The following CREB3L1 variants were observed in gnomAD, a reference collection of about 807,000 sequenced individuals.
CREB3L1 encodes the protein cyclic AMP-responsive element-binding protein 3-like protein 1.
A neutral mutation model predicts 54.5 loss-of-function variants in CREB3L1; 33 were observed. The observed-to-expected ratio is 0.61, with a 90% CI of 0.46 to 0.81. CREB3L1 has a LOEUF of 0.81. Among genes scored for constraint, CREB3L1 ranks in the 30% least tolerant of loss-of-function variants. CREB3L1 has a pLI of 0.00. For synonymous variants in CREB3L1, 284 were observed against 286.4 expected (o/e 0.99, Z 0.08); for missense variants, 656 against 673.3 (o/e 0.97, Z 0.29).
In CREB3L1 at chr11:46,320,742, C is replaced by T; in HGVS notation, c.1556C>T (p.Ser519Phe). ...GGCCCCAACACCACCATCAAACTCT[C>T]CTAGGCCATGCCAAGACCCAGGACA... The part of the protein sequence containing the change: ...DLGPNTTIKL[S>F] Residue 519 changes from serine (S) to phenylalanine (F), a missense_variant, in exon 12 of 12, where the codon TCC becomes TTC. Physicochemically the swap from Ser to Phe is radical, Grantham distance 155. Transcript: ENST00000621158. 6.2e-7 allele frequency: 1 copy of T among 1,612,254 alleles called. No individual in the cohort carries two copies. Among genetic ancestry groups the T allele is most frequent in the Non-Finnish European group, 8.5e-7 (1 of 1,179,310 alleles).
chr11:46,285,319 G>A (rs931749910), intron 1 of CREB3L1, among the ~76,000 whole-genome samples: 7 of 152,166 alleles, frequency 4.6e-5, no homozygotes, highest in African/African-American at 7.2e-5. Context: ...GGGCAGGATG[G>A]AGGAGGAATA....
At chr11:46,286,459 T>C (rs1481639379) in intron 1 of CREB3L1, among the ~76,000 whole-genome samples, 1 of 152,218 alleles carries the variant, frequency 6.6e-6, no homozygotes, top group Non-Finnish European at 1.5e-5. Context: ...ATCTATCAGT[T>C]ATAAAGTATA....
Position 46,285,973 on chromosome 11 carries a change from C to T in CREB3L1, c.102+7760C>T, listed in dbSNP as rs78871858. Among the ~76,000 whole-genome samples the T allele has an allele frequency of 4.2e-4, 64 of 152,320 alleles. No homozygotes were observed. The East Asian group carries it at 0.011, about 26-fold the overall frequency. ...GTCTGAGCCTTTGCCCATGGGTTCC[C>T]CTCCACCTGGAATACCCTCACCCTT... On this transcript the variant is annotated intron_variant, in intron 1 of 11. Coordinates refer to ENST00000621158, the MANE Select transcript of CREB3L1 (RefSeq NM_052854.4).
chr11:46,277,944 G>C lies in CREB3L1; in HGVS notation c.-168G>C, dbSNP rs1369024748. The stretch of plus-strand genomic sequence containing the variant: ...GCCCTAAGGCCCCCGCGCGCCCCGC[G>C]CCCCCCACCCGGGGCCGCGCCGCCT... On this transcript the variant is annotated 5_prime_UTR_variant, in exon 1 of 12. Transcript: ENST00000621158. The C allele has an allele frequency of 2.5e-6, 1 of 400,826 alleles. No homozygotes were observed. The highest frequency in any genetic ancestry group is 4.4e-6 in the Non-Finnish European group (1 of 229,402). 24.8% of individuals were successfully genotyped at this position (400,826 alleles called of 1,614,324 possible). A position where few individuals can be genotyped will look rare whatever the true frequency, so the allele number is the denominator to read the frequency against.
intron 1 of CREB3L1, among the ~76,000 whole-genome samples, chr11:46,297,238 G>A (rs1254924089): frequency 1.3e-5 from 2 of 152,224 alleles, no homozygotes; most frequent in Non-Finnish European, 2.9e-5. Context: ...GTGGTTGGGG[G>A]GTGGTTATAC....
In CREB3L1 at chr11:46,288,378, G is replaced by A. The variant is rs563300185; in HGVS notation, c.102+10165G>A. Among the ~76,000 whole-genome samples the A allele has an allele frequency of 9.1e-4, 138 of 152,278 alleles. 1 individual carries two copies. The highest frequency in any genetic ancestry group is 4.8e-4 in the African/African-American group (20 of 41,554). ...ATTATAGGCGTGAGCCACCGCACAC[G>A]GCCCTCTTAGTTATTTTAAAATTAA... On this transcript the variant is annotated intron_variant, in intron 1 of 11. Coordinates refer to ENST00000621158, the MANE Select transcript of CREB3L1 (RefSeq NM_052854.4).
At chr11:46,299,897 G>A in intron 1 of CREB3L1, 38 bp from the exon 2 acceptor site, 3 of 1,530,126 alleles carry the variant, frequency 2.0e-6, no homozygotes, top group African/African-American at 1.4e-5. Context: ...CCCAAGCAAA[G>A]CTGAATTCCC....
chr11:46,285,818 C>G (rs1334418884), intron 1 of CREB3L1, among the ~76,000 whole-genome samples: 1 of 152,206 alleles, frequency 6.6e-6, no homozygotes. Context: ...ACTGGCTCCT[C>G]CTCCCCTTCC....
chr11:46,279,363 C>G (rs139123698), intron 1 of CREB3L1, among the ~76,000 whole-genome samples: 3 of 152,200 alleles, frequency 2.0e-5, no homozygotes, highest in South Asian at 2.1e-4. Context: ...GGACAGGAGC[C>G]GGAGTCAAGG....
Position 46,295,749 on chromosome 11 carries a change from C to G in CREB3L1, c.103-4186C>G, listed in dbSNP as rs1225951907. Among the ~76,000 whole-genome samples the G allele has an allele frequency of 6.6e-6, 1 of 152,222 alleles. No homozygotes were observed. Among genetic ancestry groups the G allele is most frequent in the Non-Finnish European group, 1.5e-5 (1 of 68,046 alleles). On this transcript the variant is annotated intron_variant, in intron 1 of 11. Transcript: ENST00000621158. This position sits in a 1 kb window ranked among gnomAD's most constrained non-coding sequence, Gnocchi z 4.6. ...CGGCCCCGGGTGTTCCCGGGTTAAC[C>G]CTTTGTGGGCCGCTCCAGGACGGCG...
intron 2 of CREB3L1, among the ~76,000 whole-genome samples, chr11:46,305,690 ATG>A (rs764468204): frequency 0.016 from 1,826 of 111,486 alleles, 17 homozygotes; most frequent in South Asian, 0.054. Context: ...GTGTGTATAT[ATG>A]TGTGTGTGTG....
rs1590334947 is a variant in CREB3L1, at chr11:46,278,523, A to C, written c.102+310A>C. The stretch of plus-strand genomic sequence containing the variant: ...CACGTCTTCTAGCCGTCCCCAACCC[A>C]CCCCAGGTTCCAGGACCAGACTGGG... On this transcript the variant is annotated intron_variant, in intron 1 of 11. Transcript: ENST00000621158. This position sits in a 1 kb window ranked among gnomAD's most constrained non-coding sequence, Gnocchi z 4.2. 6.6e-6 allele frequency among the ~76,000 whole-genome samples: 1 copy of C among 151,324 alleles called. No individual in the cohort carries two copies. The highest frequency in any genetic ancestry group is 2.1e-4 in the South Asian group (1 of 4,776).
chr11:46,306,196 C>T (rs546587981), intron 2 of CREB3L1, among the ~76,000 whole-genome samples: 6 of 152,258 alleles, frequency 3.9e-5, no homozygotes, highest in East Asian at 3.9e-4. Context: ...CGTGAGCTAC[C>T]GCACCCAGCC....
In CREB3L1 at chr11:46,307,937, C is replaced by T. The variant is rs766233746; in HGVS notation, c.453C>T (p.Ala151=). ...CCCCCTCGGCCATGGCTGCCGCGGC[C>T]GCCATGGCCACCACCCCGCTGCTGG... The part of the protein sequence containing the change: ...LAAPSAMAAA[A]AMATTPLLGL... The change falls in exon 3 of 12, where the codon GCC becomes GCT. Residue 151 remains alanine, a synonymous_variant. Coordinates refer to ENST00000621158, the MANE Select transcript of CREB3L1 (RefSeq NM_052854.4). 1.2e-5 allele frequency: 19 copies of T among 1,565,336 alleles called. No homozygotes were observed. The highest frequency in any genetic ancestry group is 3.5e-5 in the South Asian group (3 of 84,848).
Position 46,310,142 on chromosome 11 carries a change from C to T in CREB3L1, c.595+75C>T, listed in dbSNP as rs1004339777. The T allele has an allele frequency of 3.6e-6, 4 of 1,121,748 alleles. No homozygotes were observed. In the African/African-American group the frequency reaches 4.6e-5, roughly 13 times the overall value. The allele number at this position is 1,121,748 out of a possible 1,614,324, so 69.5% of individuals were successfully genotyped here. On this transcript the variant is annotated intron_variant, in intron 4 of 11. Transcript: ENST00000621158. ...TAGCATCCCCACTTCCTTGGTTCAG[C>T]CCATCCCTATCTCTTGACAACCTTC...
rs1375059234 is a variant in CREB3L1, at chr11:46,278,812, G to C, written c.102+599G>C. On this transcript the variant is annotated intron_variant, in intron 1 of 11. Coordinates refer to ENST00000621158, the MANE Select transcript of CREB3L1 (RefSeq NM_052854.4). The surrounding 1 kb of genome is among the most constrained non-coding windows in gnomAD (Gnocchi z 4.2). ...CATAGGGTGATGGCTCAGGAGGAGG[G>C]AGCCATTTCTCTCCATCTGCCTCTA... is the stretch of plus-strand genomic sequence containing the variant. Among the ~76,000 whole-genome samples the C allele has an allele frequency of 1.3e-5, 2 of 152,152 alleles. No individual in the cohort carries two copies. The highest frequency in any genetic ancestry group is 4.8e-5 in the African/African-American group (2 of 41,432).
rs913578061 is a variant in CREB3L1, at chr11:46,278,888, T to A, written c.102+675T>A. On this transcript the variant is annotated intron_variant, in intron 1 of 11. Coordinates refer to ENST00000621158, the MANE Select transcript of CREB3L1 (RefSeq NM_052854.4). This position sits in a 1 kb window ranked among gnomAD's most constrained non-coding sequence, Gnocchi z 4.2. ...TGGAGTCTGGCTGACTTTCTCCCTC[T>A]CCCTATGTCTTCTTGACTAGGTCCG... Among the ~76,000 whole-genome samples, 1 of 152,182 alleles carries A rather than the reference T, an allele frequency of 6.6e-6. No homozygotes were observed. The highest frequency in any genetic ancestry group is 1.5e-5 in the Non-Finnish European group (1 of 68,004).
chr11:46,305,725 T>TGC (rs1406042240), intron 2 of CREB3L1, among the ~76,000 whole-genome samples: 16 of 120,292 alleles, frequency 1.3e-4, no homozygotes, highest in South Asian at 2.6e-4. Flanking sequence ...TGTGTGTGTG[T>TGC]GTGTGTGTAT....
Position 46,307,970 on chromosome 11 carries a change from C to CCCGTTGT in CREB3L1, c.488_489insGTTGTCC (p.Arg166LeufsTer52), listed in dbSNP as rs1420727719. Reference sequence around the variant, plus strand: ...CCACCACCCCGCTGCTGGGCCTCAGCCCCTTGTCCAGGCTGCCCATCCCCC... The same window carrying CCCGTTGT: ...CCACCACCCCGCTGCTGGGCCTCAGCCCGTTGTCCCTTGTCCAGGCTGCCCATCCCCC... On this transcript the variant is annotated frameshift_variant, in exon 3 of 12. Transcript: ENST00000621158. LOFTEE classifies it high-confidence loss of function. The CCCGTTGT allele has an allele frequency of 1.9e-6, 3 of 1,559,374 alleles. No homozygotes were observed. The African/African-American group carries it at 4.1e-5, about 21-fold the overall frequency.
Sources: gnomAD v4.1 joint callset for allele counts (sites outside exome capture counted in the v4.1 genomes callset) on GRCh38, gnomAD v4.1.1 for gene constraint, Gnocchi (gnomAD v3.1) non-coding constraint, MANE v1.5 for transcripts, NCBI Gene and HGNC (gene_info 2026-07-23, HGNC 2026-07-21) for gene names.